The following LINGO3 variants were observed in gnomAD, a reference collection of about 807,000 sequenced individuals.
LINGO3 encodes the protein leucine-rich repeat and immunoglobulin-like domain-containing nogo receptor-interacting protein 3.
For synonymous variants in LINGO3, 427 were observed against 444.2 expected, an observed-to-expected ratio of 0.96 and a Z score of 0.49; for missense variants, 750 against 867.7, an observed-to-expected ratio of 0.86 and a Z score of 1.70.
the LINGO3 span, among the ~76,000 whole-genome samples, chr19:2,308,114 G>C: frequency 7.0e-6 from 1 of 143,088 alleles, no homozygotes; most frequent in Non-Finnish European, 1.5e-5. Context: ...GGGCTGCGGC[G>C]CGGGGGCCGC....
At position 2,290,129 on chromosome 19, in the gene LINGO3, A is replaced by ACAG; in HGVS notation, c.1645_1647dup (p.Leu549dup). 6.2e-7 allele frequency: 1 copy of ACAG among 1,611,850 alleles called. No individual in the cohort carries two copies. Among genetic ancestry groups the ACAG allele is most frequent in the Non-Finnish European group, 8.5e-7 (1 of 1,179,328 alleles). ...TGCCCGCGGCCGCGGCTCCACACGA[A>ACAG]CAGCAGCACGAAGCAGAAGAGGACC... is the stretch of plus-strand genomic sequence containing the variant. On this transcript the variant is annotated inframe_insertion, in exon 1 of 1. Transcript: ENST00000585527. This position sits in a 1 kb window ranked among gnomAD's most constrained non-coding sequence, Gnocchi z 6.0.
downstream of LINGO3, among the ~76,000 whole-genome samples, chr19:2,287,427 A>C (rs1017251535): frequency 3.3e-5 from 5 of 152,254 alleles, no homozygotes; most frequent in Middle Eastern, 3.4e-3. This position sits in a 1 kb window ranked among gnomAD's most constrained non-coding sequence, Gnocchi z 4.5. Flanking sequence ...ACAGGTGCTA[A>C]GAAAAAAATT....
At chr19:2,291,054 G>A in exon 1 of LINGO3, 1 of 1,610,010 alleles carries the variant, frequency 6.2e-7, no homozygotes. Context: ...CCCGCAGGCT[G>A]CCCGCCGCCA....
upstream of LINGO3, among the ~76,000 whole-genome samples, chr19:2,296,530 A>G (rs926816909): frequency 3.3e-5 from 5 of 151,998 alleles, no homozygotes; most frequent in East Asian, 7.9e-4. Context: ...CTGGGCTGGA[A>G]TGCAATGGCA....
upstream of LINGO3, among the ~76,000 whole-genome samples, chr19:2,293,502 G>C (rs969356571): frequency 6.6e-6 from 1 of 151,866 alleles, no homozygotes; most frequent in African/African-American, 2.4e-5. Context: ...TGGGACTACA[G>C]GCACCCGCCA....
the LINGO3 span, among the ~76,000 whole-genome samples, chr19:2,305,639 C>T: frequency 1.3e-5 from 2 of 152,140 alleles, no homozygotes; most frequent in Non-Finnish European, 2.9e-5. Context: ...TTGGGAAAGG[C>T]CCTCCTAGAG....
At chr19:2,298,502 G>A in the LINGO3 span, among the ~76,000 whole-genome samples, 3 of 151,172 alleles carry the variant, frequency 2.0e-5, no homozygotes, top group South Asian at 2.1e-4. Context: ...AAGGTGCCGG[G>A]AACACAGGCA....
Position 2,290,027 on chromosome 19 carries a change from C to T in LINGO3, c.1750G>A (p.Ala584Thr), listed in dbSNP as rs772703727. The T allele has an allele frequency of 6.5e-7, 1 of 1,546,080 alleles. No individual in the cohort carries two copies. Among genetic ancestry groups the T allele is most frequent in the South Asian group, 1.2e-5 (1 of 83,840 alleles). Reference sequence around the variant, plus strand: ...ATCATCTTCATGTTGAACTTGCGCGCGCCTCCCTGGCCCGCCGCGGCGGCC... The same window carrying T: ...ATCATCTTCATGTTGAACTTGCGCGTGCCTCCCTGGCCCGCCGCGGCGGCC... The change falls in exon 1 of 1, where the codon GCG becomes ACG. Residue 584 changes from alanine (A) to threonine (T), a missense_variant. Coordinates refer to ENST00000585527, the Ensembl canonical transcript of LINGO3. The surrounding 1 kb of genome is among the most constrained non-coding windows in gnomAD (Gnocchi z 6.0).
At chr19:2,291,527 C>T (rs867533018) in exon 1 of LINGO3, 38 of 1,606,146 alleles carry the variant, frequency 2.4e-5, no homozygotes, top group Non-Finnish European at 3.2e-5. Context: ...TCGCTCAGGT[C>T]CAGCTCCTCC....
chr19:2,301,081 T>C, the LINGO3 span, among the ~76,000 whole-genome samples: 3 of 151,964 alleles, frequency 2.0e-5, no homozygotes, highest in Non-Finnish European at 4.4e-5. Context: ...CAAGAGACTC[T>C]GCATCCCACA....
upstream of LINGO3, among the ~76,000 whole-genome samples, chr19:2,292,234 G>A (rs1212399887): frequency 6.7e-6 from 1 of 149,048 alleles, no homozygotes; most frequent in African/African-American, 2.5e-5. Flanking sequence ...AAGTAATTGT[G>A]AAATATTGAA....
At chr19:2,302,417 C>T in the LINGO3 span, among the ~76,000 whole-genome samples, 47 of 152,290 alleles carry the variant, frequency 3.1e-4, no homozygotes, top group Admixed American at 1.3e-3. Context: ...AATCAGTGTA[C>T]GGGACATCAG....
chr19:2,305,423 G>A, the LINGO3 span, among the ~76,000 whole-genome samples: 1 of 152,022 alleles, frequency 6.6e-6, no homozygotes, highest in Non-Finnish European at 1.5e-5. Flanking sequence ...TGAGTGGCCG[G>A]GGTCCCTCCC....
downstream of LINGO3, among the ~76,000 whole-genome samples, chr19:2,288,011 G>A (rs1009885273): frequency 6.6e-6 from 1 of 152,230 alleles, no homozygotes; most frequent in African/African-American, 2.4e-5. This position sits in a 1 kb window ranked among gnomAD's most constrained non-coding sequence, Gnocchi z 6.5. Flanking sequence ...AGAACTGGCT[G>A]TGAGGAGGCC....
chr19:2,305,321 C>T, the LINGO3 span, among the ~76,000 whole-genome samples: 1 of 152,180 alleles, frequency 6.6e-6, no homozygotes. Context: ...ATGGAGGCCT[C>T]TCTTCCCTGT....
At chr19:2,302,428 C>T in the LINGO3 span, among the ~76,000 whole-genome samples, 2 of 152,208 alleles carry the variant, frequency 1.3e-5, no homozygotes, top group African/African-American at 4.8e-5. Context: ...GGGACATCAG[C>T]TGGTAATAAA....
upstream of LINGO3, among the ~76,000 whole-genome samples, chr19:2,295,047 C>T (rs892940532): frequency 3.9e-5 from 6 of 152,272 alleles, no homozygotes; most frequent in Non-Finnish European, 2.9e-5. Context: ...AGGCAGCTCC[C>T]GCCTCCCCAG....
At chr19:2,287,826 G>C (rs917477926), downstream of LINGO3, among the ~76,000 whole-genome samples, 1 of 152,192 alleles carries the variant, frequency 6.6e-6, no homozygotes, top group Non-Finnish European at 1.5e-5. The surrounding 1 kb of genome is among the most constrained non-coding windows in gnomAD (Gnocchi z 4.5). Context: ...TCACATAGCC[G>C]GGCAGGAGCA....
At chr19:2,303,420 G>A in the LINGO3 span, among the ~76,000 whole-genome samples, 17 of 152,208 alleles carry the variant, frequency 1.1e-4, no homozygotes, top group South Asian at 4.1e-4. Flanking sequence ...CCCTGTCTGA[G>A]CTGAGACCTG....
Sources: allele counts gnomAD v4.1 joint callset (sites outside exome capture counted in the v4.1 genomes callset), GRCh38; gene constraint gnomAD v4.1.1; non-coding constraint Gnocchi (gnomAD v3.1); transcripts MANE v1.5; gene names NCBI Gene and HGNC (gene_info 2026-07-23, HGNC 2026-07-21).